TSHR: variants seen among roughly 807,000 people sequenced by gnomAD.
TSHR encodes thyroid stimulating hormone receptor, also known as thyrotropin receptor.
In TSHR, 51 loss-of-function variants were observed where a neutral mutation model predicts 64.1. The observed-to-expected ratio is 0.80, with a 90% confidence interval of 0.64 to 1.01. The LOEUF (loss-of-function observed/expected upper bound fraction) is 1.01, where lower values mean the gene tolerates loss of function less well. Among genes scored for constraint, TSHR ranks in the 50% least tolerant of loss-of-function variants. The pLI, the probability that TSHR is intolerant of heterozygous loss-of-function variation, is 0.00. For missense variants in TSHR, 877 were observed against 942.8 expected (o/e 0.93, Z 0.91); for synonymous variants, 361 against 361.9 (o/e 1.00, Z 0.03).
At chr14:81,082,123 A>G (rs1000551497) in intron 3 of TSHR, among the ~76,000 whole-genome samples, 3 of 152,208 alleles carry the variant, frequency 2.0e-5, no homozygotes, top group Non-Finnish European at 1.5e-5. Flanking sequence ...CTCCCTCAAC[A>G]TAGGGAGAAG....
At chr14:81,023,564 T>A (rs1294795144) in intron 1 of TSHR, among the ~76,000 whole-genome samples, 1 of 152,076 alleles carries the variant, frequency 6.6e-6, no homozygotes, top group East Asian at 1.9e-4. Context: ...ACTCATGGAG[T>A]TCTGGGTGGC....
intron 3 of TSHR, among the ~76,000 whole-genome samples, chr14:81,072,980 G>A (rs1887198312): frequency 1.2e-5 from 1 of 82,378 alleles, no homozygotes; most frequent in Non-Finnish European, 2.0e-5. Context: ...CTGGGCGACA[G>A]AGCGAGACTC....
At chr14:81,057,861 T>A (rs1389109499) in intron 1 of TSHR, among the ~76,000 whole-genome samples, 1 of 152,200 alleles carries the variant, frequency 6.6e-6, no homozygotes, top group Admixed American at 6.5e-5. Context: ...AATTCAGACA[T>A]GGTCATGAGG....
At chr14:81,050,522 A>G (rs1595002335) in intron 1 of TSHR, 2 of 149,382 alleles carry the variant, frequency 1.3e-5, no homozygotes, top group Admixed American at 1.3e-4. Flanking sequence ...AAATTGGCAA[A>G]CTGATTTATG....
chr14:81,107,093 T>C (rs2024425), intron 7 of TSHR: 96,861 of 151,954 alleles, frequency 0.64, 31,257 homozygotes, highest in South Asian at 0.73. Flanking sequence ...GCACTGGTGA[T>C]TGGTAAAACT....
intron 3 of TSHR, among the ~76,000 whole-genome samples, chr14:81,072,762 C>G (rs915158512): frequency 2.2e-5 from 3 of 138,096 alleles, no homozygotes; most frequent in African/African-American, 1.0e-4. Context: ...CTTTGGGAGG[C>G]CGAGGCGGGC....
At chr14:81,105,245 G>A in intron 7 of TSHR, 1 of 985,110 alleles carries the variant, frequency 1.0e-6, no homozygotes, top group South Asian at 4.7e-5. Context: ...ATAATCCCAG[G>A]AAATGTCATG....
intron 1 of TSHR, among the ~76,000 whole-genome samples, chr14:80,999,574 G>T (rs965108568): frequency 1.3e-5 from 2 of 152,102 alleles, no homozygotes; most frequent in Non-Finnish European, 2.9e-5. Flanking sequence ...AATTCACATC[G>T]ATAATTAAAC....
chr14:81,037,489 A>G lies in TSHR; in HGVS notation c.171-24659A>G, dbSNP rs565623534. Among the ~76,000 whole-genome samples the G allele has an allele frequency of 1.3e-3, 194 of 151,848 alleles. 3 individuals carry two copies. The highest frequency in any genetic ancestry group is 4.5e-3 in the East Asian group (23 of 5,164). ...AACAAAATGTCAAGAGTAAGTTCTT[A>G]CCTATCAATAATAACCTTGAATGTA... On this transcript the variant is annotated intron_variant, in intron 1 of 9. Transcript: ENST00000298171.
At chr14:80,991,626 GA>G (rs1328267113) in intron 1 of TSHR, 6 of 398,436 alleles carry the variant, frequency 1.5e-5, no homozygotes, top group East Asian at 7.1e-5. Context: ...CAGTCAAGAG[GA>G]AAGAAAGAGT....
At chr14:81,133,193 C>T (rs10129752) in intron 8 of TSHR, among the ~76,000 whole-genome samples, 3,377 of 152,294 alleles carry the variant, frequency 0.022, 134 homozygotes, top group African/African-American at 0.077. Flanking sequence ...TTCTCTCCCT[C>T]CTGAGATCCC....
chr14:81,071,666 T>G (rs1595050495), intron 3 of TSHR, among the ~76,000 whole-genome samples: 2 of 151,770 alleles, frequency 1.3e-5, no homozygotes, highest in African/African-American at 4.8e-5. Flanking sequence ...GAGGCTGAGG[T>G]GAGAGGATTA....
rs1890753906 is a variant in TSHR, at chr14:81,120,674, T to C, written c.692+12222T>C. Among the ~76,000 whole-genome samples the C allele has an allele frequency of 2.0e-5, 3 of 152,300 alleles. No homozygotes were observed. In the South Asian group the frequency reaches 6.2e-4, roughly 32 times the overall value. On this transcript the variant is annotated intron_variant, in intron 8 of 9. Transcript: ENST00000298171. ...GGATTTGGATGCCGTTTATTTGTAT[T>C]GCCTAATTGTTCTAACTAGGACTTC...
chr14:81,071,527 A>T (rs1464426172), intron 3 of TSHR, among the ~76,000 whole-genome samples: 1 of 152,020 alleles, frequency 6.6e-6, no homozygotes, highest in African/African-American at 2.4e-5. Context: ...TTTTTCTCCC[A>T]TCACTAAGTT....
chr14:80,983,345 T>C (rs1388739921), intron 1 of TSHR: 2 of 1,098,814 alleles, frequency 1.8e-6, no homozygotes, highest in Non-Finnish European at 2.6e-6. Context: ...CAGAGCTTTT[T>C]CATTTGCCAT....
At chr14:80,967,166 T>A (rs1049476078) in intron 1 of TSHR, among the ~76,000 whole-genome samples, 1 of 107,664 alleles carries the variant, frequency 9.3e-6, no homozygotes, top group Non-Finnish European at 2.0e-5. Context: ...GAAAAAAAAA[T>A]TATATATATA....
chr14:81,120,199 TA>T (rs1325332547), intron 8 of TSHR, among the ~76,000 whole-genome samples: 3 of 151,582 alleles, frequency 2.0e-5, no homozygotes, highest in African/African-American at 4.9e-5. Context: ...AATAAAAAAA[TA>T]AAAAAGAATC....
intron 7 of TSHR, among the ~76,000 whole-genome samples, chr14:81,098,586 T>C (rs1341883510): frequency 6.6e-6 from 1 of 152,218 alleles, no homozygotes. Context: ...ATAATGAAGA[T>C]AGTTTGTAGG....
At chr14:81,098,995 ATTATCATT>A (rs1466415478) in intron 7 of TSHR, among the ~76,000 whole-genome samples, 2 of 152,218 alleles carry the variant, frequency 1.3e-5, no homozygotes, top group Non-Finnish European at 2.9e-5. Context: ...GACACTATCA[ATTATCATT>A]TATTCAAGAT....
Sources: allele counts gnomAD v4.1 joint callset (sites outside exome capture counted in the v4.1 genomes callset), GRCh38; gene constraint gnomAD v4.1.1; transcripts MANE v1.5; gene names NCBI Gene and HGNC (gene_info 2026-07-23, HGNC 2026-07-21).